The following RANBP2 variants were observed in gnomAD, a reference collection of about 807,000 sequenced individuals.
The protein encoded by RANBP2 is E3 SUMO-protein ligase RanBP2.
Under a neutral mutation model 303.6 loss-of-function variants are expected in RANBP2, and 57 were observed. That is an observed-to-expected ratio of 0.19 (90% CI 0.15 to 0.23). The LOEUF is 0.23. Among genes scored for constraint, RANBP2 ranks in the 10% least tolerant of loss-of-function variants. RANBP2 has a pLI of 1.00. For synonymous variants in RANBP2, 1,167 were observed against 1,301.5 expected (o/e 0.90, Z 2.23); for missense variants, 3,138 against 3,780.8 (o/e 0.83, Z 4.46).
chr2:109,334,192 CA>C, the RANBP2 span, among the ~76,000 whole-genome samples: 1 of 151,836 alleles, frequency 6.6e-6, no homozygotes, highest in African/African-American at 2.4e-5. Context: ...CCCGTCCCTA[CA>C]AAAAAATAGA....
At chr2:108,782,955 T>A in intron 28 of RANBP2, 93 bp downstream of exon 28, 1 of 1,152,850 alleles carries the variant, frequency 8.7e-7, no homozygotes, top group Non-Finnish European at 1.3e-6. Flanking sequence ...CCTCATCCTG[T>A]AGTTTTGTTA....
intron 17 of RANBP2, 118 bp downstream of exon 17, chr2:108,755,377 A>G: frequency 1.4e-6 from 2 of 1,473,946 alleles, no homozygotes; most frequent in South Asian, 1.2e-5. Context: ...ATAGTATGGC[A>G]AGGGGACATT....
the RANBP2 span, among the ~76,000 whole-genome samples, chr2:109,069,032 G>T: frequency 6.6e-6 from 1 of 152,212 alleles, no homozygotes; most frequent in Non-Finnish European, 1.5e-5. Flanking sequence ...CTTGAGACAA[G>T]AAAAGGAGCA....
chr2:108,805,666 G>A, the RANBP2 span, among the ~76,000 whole-genome samples: 2 of 152,060 alleles, frequency 1.3e-5, no homozygotes, highest in Non-Finnish European at 2.9e-5. Context: ...GGCGGAGCTT[G>A]CAGTGAGCCG....
chr2:109,504,494 C>T, the RANBP2 span: 1 of 144,512 alleles, frequency 6.9e-6, no homozygotes. Context: ...TTGCACAGTT[C>T]ACACACACAA....
At position 108,767,856 on chromosome 2, in the gene RANBP2, A is replaced by G. The variant is rs1677220894; in HGVS notation, c.7317A>G (p.Ala2439=). ...ADSFKKIFDE[A]KTAQEKDSLI... The stretch of plus-strand genomic sequence containing the variant: ...CGTTTAAGAAAATTTTTGATGAAGC[A>G]AAAACAGCCCAGGAAAAAGATTCTT... The change falls in exon 20 of 29, where the codon GCA becomes GCG. Residue 2439 remains alanine (A), a synonymous_variant. Coordinates refer to ENST00000283195, the MANE Select transcript of RANBP2 (RefSeq NM_006267.5). 2 of 1,610,112 alleles carry G rather than the reference A, an allele frequency of 1.2e-6. No homozygotes were observed. Among genetic ancestry groups the G allele is most frequent in the Middle Eastern group, 4.5e-4 (2 of 4,430 alleles).
downstream of RANBP2, chr2:108,786,665 G>GGGCT: frequency 1.5e-6 from 1 of 657,476 alleles, no homozygotes; most frequent in Non-Finnish European, 2.7e-6. Flanking sequence ...CTGACAAGCC[G>GGGCT]GGCTGCAGTC....
chr2:108,965,959 A>G, the RANBP2 span, among the ~76,000 whole-genome samples: 1 of 152,110 alleles, frequency 6.6e-6, no homozygotes, highest in Non-Finnish European at 1.5e-5. Context: ...TGCCAATTAA[A>G]TTCGGTTATA....
the RANBP2 span, among the ~76,000 whole-genome samples, chr2:109,317,825 C>T: frequency 2.0e-5 from 3 of 152,094 alleles, no homozygotes; most frequent in Non-Finnish European, 2.9e-5. Context: ...TAAGAACTAG[C>T]GCATCCGTCT....
chr2:109,170,333 T>TC, the RANBP2 span, among the ~76,000 whole-genome samples: 1 of 146,066 alleles, frequency 6.8e-6, no homozygotes, highest in African/African-American at 2.7e-5. Context: ...CTCTCTCCTC[T>TC]CTCTCTCTCT....
At chr2:109,563,990 T>G in the RANBP2 span, among the ~76,000 whole-genome samples, 3 of 152,134 alleles carry the variant, frequency 2.0e-5, no homozygotes, top group East Asian at 5.8e-4. Flanking sequence ...AGAAAATGAT[T>G]TGTGTTCCAA....
the RANBP2 span, among the ~76,000 whole-genome samples, chr2:108,853,274 T>G: frequency 3.3e-5 from 5 of 152,168 alleles, no homozygotes; most frequent in African/African-American, 1.2e-4. Flanking sequence ...ATGGTGTCAT[T>G]TTTACAGAAG....
At chr2:109,548,701 G>A in the RANBP2 span, among the ~76,000 whole-genome samples, 4 of 149,904 alleles carry the variant, frequency 2.7e-5, no homozygotes, top group African/African-American at 4.9e-5. Flanking sequence ...GCCTGAAGCC[G>A]GGAGGCCGAG....
At chr2:109,185,400 A>T in the RANBP2 span, among the ~76,000 whole-genome samples, 1 of 152,362 alleles carries the variant, frequency 6.6e-6, no homozygotes, top group East Asian at 1.9e-4. Context: ...TATCACAGGG[A>T]ACCTAAAGAA....
the RANBP2 span, among the ~76,000 whole-genome samples, chr2:109,437,618 G>A: frequency 6.6e-6 from 1 of 152,198 alleles, no homozygotes; most frequent in Non-Finnish European, 1.5e-5. Flanking sequence ...TCACAGGACA[G>A]GGCTGGGGTG....
the RANBP2 span, among the ~76,000 whole-genome samples, chr2:109,373,746 G>A: frequency 9.2e-5 from 14 of 152,300 alleles, no homozygotes; most frequent in East Asian, 2.1e-3. Flanking sequence ...ATGGTGTCCA[G>A]TTAAGCTTTA....
chr2:109,170,249 C>A, the RANBP2 span, among the ~76,000 whole-genome samples: 3 of 5,886 alleles, frequency 5.1e-4, 1 homozygote. Flanking sequence ...TTTCTTTTCT[C>A]TTCTCTTCTC....
chr2:108,995,498 A>T, the RANBP2 span, among the ~76,000 whole-genome samples: 1 of 152,206 alleles, frequency 6.6e-6, no homozygotes, highest in Non-Finnish European at 1.5e-5. Context: ...TGGTCAGCAA[A>T]AGAAAGCCAA....
the RANBP2 span, among the ~76,000 whole-genome samples, chr2:109,498,281 C>G: frequency 0.27 from 41,650 of 152,042 alleles, 6,058 homozygotes; most frequent in East Asian, 0.5. Context: ...TTCGGGACTG[C>G]GACCCAGAAC....
Sources: gnomAD v4.1 joint callset for allele counts (sites outside exome capture counted in the v4.1 genomes callset) on GRCh38, gnomAD v4.1.1 for gene constraint, MANE v1.5 for transcripts, NCBI Gene and HGNC (gene_info 2026-07-23, HGNC 2026-07-21) for gene names.